Variants in KLHL32 observed in about 807,000 individuals in gnomAD.
KLHL32 encodes kelch like family member 32, also known as kelch-like protein 32.
KLHL32 carries 35 observed loss-of-function variants against 64.8 expected under a neutral mutation model. The ratio of observed to expected loss-of-function variants is 0.54; its 90% confidence interval spans 0.41 to 0.72. The LOEUF is 0.72. Ranked by LOEUF, KLHL32 falls within the 30% of genes least tolerant of loss-of-function variation. The pLI is 0.00. For missense variants in KLHL32, 589 were observed against 768.5 expected (o/e 0.77, Z 2.76); for synonymous variants, 259 against 281.0 (o/e 0.92, Z 0.78).
chr6:96,986,945 A>G (rs1218507487), intron 3 of KLHL32, among the ~76,000 whole-genome samples: 1 of 152,062 alleles, frequency 6.6e-6, no homozygotes, highest in Non-Finnish European at 1.5e-5. Flanking sequence ...TGCAGAAATC[A>G]CCTGTCTTCT....
intron 1 of KLHL32, among the ~76,000 whole-genome samples, chr6:96,951,244 A>G (rs1287611382): frequency 1.3e-5 from 2 of 152,170 alleles, no homozygotes; most frequent in East Asian, 1.9e-4. Context: ...GTTCAGGCAA[A>G]GGAAACAAAC....
chr6:96,987,106 C>T (rs994095416), intron 3 of KLHL32, among the ~76,000 whole-genome samples: 2 of 152,056 alleles, frequency 1.3e-5, no homozygotes, highest in South Asian at 4.2e-4. Flanking sequence ...CTCTTTTCTT[C>T]TTTATTAGTC....
intron 3 of KLHL32, among the ~76,000 whole-genome samples, chr6:96,978,499 A>G (rs188197133): frequency 1.9e-4 from 29 of 152,096 alleles, no homozygotes; most frequent in African/African-American, 6.5e-4. Context: ...ACTGTGTAGT[A>G]TTCCACAATA....
chr6:97,130,575 C>T (rs1239292646), intron 8 of KLHL32, among the ~76,000 whole-genome samples, 182 bp from the exon 9 acceptor site: 1 of 152,092 alleles, frequency 6.6e-6, no homozygotes, highest in Non-Finnish European at 1.5e-5. Context: ...ATATGTGGCT[C>T]TTTTGTACTT....
chr6:96,936,811 T>G (rs1324888890), intron 1 of KLHL32, among the ~76,000 whole-genome samples: 1 of 152,170 alleles, frequency 6.6e-6, no homozygotes, highest in African/African-American at 2.4e-5. Context: ...CCCATTGCCT[T>G]GCCCATTCCT....
intron 2 of KLHL32, among the ~76,000 whole-genome samples, chr6:96,971,351 G>A (rs1370042007): frequency 6.6e-6 from 1 of 152,166 alleles, no homozygotes; most frequent in Non-Finnish European, 1.5e-5. Flanking sequence ...GACCAAAAAT[G>A]TGAACTCTGT....
intron 3 of KLHL32, among the ~76,000 whole-genome samples, chr6:97,032,168 A>T (rs1783655916): frequency 6.6e-6 from 1 of 152,236 alleles, no homozygotes; most frequent in Non-Finnish European, 1.5e-5. Flanking sequence ...AACATTAAAA[A>T]TAAAGTTTTT....
chr6:96,994,723 A>G (rs780881074), intron 3 of KLHL32: 17 of 771,234 alleles, frequency 2.2e-5, no homozygotes, highest in Non-Finnish European at 2.7e-5. Flanking sequence ...GTGAAAAAAC[A>G]CATTTTTCAG....
At chr6:96,960,599 T>A (rs1368669175) in intron 1 of KLHL32, among the ~76,000 whole-genome samples, 8 of 151,864 alleles carry the variant, frequency 5.3e-5, no homozygotes, top group Non-Finnish European at 1.2e-4. Flanking sequence ...GCAAAAAGAG[T>A]CAAATTCTGT....
At chr6:96,903,650 A>G in the KLHL32 span, among the ~76,000 whole-genome samples, 1 of 152,340 alleles carries the variant, frequency 6.6e-6, no homozygotes, top group African/African-American at 2.4e-5. Context: ...AATTTTGCCA[A>G]TGACCAAGTA....
chr6:96,947,293 C>T (rs1393942030), intron 1 of KLHL32, among the ~76,000 whole-genome samples: 1 of 152,208 alleles, frequency 6.6e-6, no homozygotes, highest in Non-Finnish European at 1.5e-5. Context: ...TCACGCTGCA[C>T]AGCTGAGTTC....
At chr6:96,961,870 C>T (rs1183605796) in intron 1 of KLHL32, among the ~76,000 whole-genome samples, 1 of 152,176 alleles carries the variant, frequency 6.6e-6, no homozygotes, top group Non-Finnish European at 1.5e-5. Flanking sequence ...CAGGCCCAAC[C>T]TGTGCAACCA....
At chr6:97,091,703 G>A (rs1228197027) in intron 6 of KLHL32, among the ~76,000 whole-genome samples, 2 of 152,136 alleles carry the variant, frequency 1.3e-5, no homozygotes, top group Admixed American at 6.5e-5. Context: ...GTGACCCTTC[G>A]CCTTTTGTTC....
chr6:97,100,102 A>G (rs1353089152), intron 6 of KLHL32, among the ~76,000 whole-genome samples: 1 of 152,080 alleles, frequency 6.6e-6, no homozygotes, highest in Admixed American at 6.6e-5. Context: ...AGATTGTGCC[A>G]CTGTACTCCA....
the KLHL32 span, among the ~76,000 whole-genome samples, chr6:96,918,197 C>A: frequency 6.6e-6 from 1 of 152,138 alleles, no homozygotes; most frequent in South Asian, 2.1e-4. Context: ...CTACAAAGGG[C>A]CATTTCTTGT....
chr6:96,918,622 G>C, the KLHL32 span, among the ~76,000 whole-genome samples: 2 of 152,148 alleles, frequency 1.3e-5, no homozygotes, highest in Non-Finnish European at 2.9e-5. Flanking sequence ...AAAATTTGAT[G>C]TATCACCAAG....
intron 3 of KLHL32, among the ~76,000 whole-genome samples, chr6:97,034,416 T>A (rs1784008803): frequency 6.6e-6 from 1 of 152,112 alleles, no homozygotes; most frequent in Non-Finnish European, 1.5e-5. Flanking sequence ...TTACTGTAGC[T>A]TTGTAATATA....
chr6:96,930,972 G>A (rs901859421), intron 1 of KLHL32, among the ~76,000 whole-genome samples: 1 of 152,122 alleles, frequency 6.6e-6, no homozygotes, highest in Non-Finnish European at 1.5e-5. Context: ...GCAGCATCAA[G>A]TACCTGGCGG....
chr6:97,109,047 T>G (rs1276070000), intron 6 of KLHL32, among the ~76,000 whole-genome samples: 1 of 152,226 alleles, frequency 6.6e-6, no homozygotes, highest in Non-Finnish European at 1.5e-5. Flanking sequence ...GCCTTCCTAT[T>G]CAAAGTGTGG....
Sources: allele counts gnomAD v4.1 joint callset (sites outside exome capture counted in the v4.1 genomes callset), GRCh38; gene constraint gnomAD v4.1.1; transcripts MANE v1.5; gene names NCBI Gene and HGNC (gene_info 2026-07-23, HGNC 2026-07-21).